Variants in FMNL2 observed in about 807,000 individuals in gnomAD.
The protein encoded by FMNL2 is formin like 2.
Under a neutral mutation model 130.2 loss-of-function variants are expected in FMNL2, and 51 were observed. That is an observed-to-expected ratio of 0.39 (90% confidence interval 0.31 to 0.49). The LOEUF is 0.49. FMNL2 is among the 20% of genes least tolerant of loss of function. The pLI, the probability that FMNL2 is intolerant of heterozygous loss-of-function variation, is 0.85. For missense variants in FMNL2, 977 were observed against 1,316.2 expected, an observed-to-expected ratio of 0.74 and a Z score of 3.99; for synonymous variants, 465 against 467.1, an observed-to-expected ratio of 1.00 and a Z score of 0.06.
chr2:152,606,930 G>A (rs1027272200), intron 9 of FMNL2, among the ~76,000 whole-genome samples: 1 of 149,086 alleles, frequency 6.7e-6, no homozygotes, highest in Non-Finnish European at 1.5e-5. Flanking sequence ...GCCTTTTAAA[G>A]AATTTAAATA....
At chr2:152,620,783 G>A (rs1038444029) in intron 15 of FMNL2, among the ~76,000 whole-genome samples, 2 of 152,122 alleles carry the variant, frequency 1.3e-5, no homozygotes, top group African/African-American at 4.8e-5. Context: ...AGCCCTTTTG[G>A]ATGCCCCAGA....
At chr2:152,527,148 G>T (rs991380501) in intron 2 of FMNL2, among the ~76,000 whole-genome samples, 2 of 152,134 alleles carry the variant, frequency 1.3e-5, no homozygotes, top group Admixed American at 6.5e-5. Context: ...TTTCCTAGGG[G>T]TGCCTTAGCT....
chr2:152,345,008 A>C (rs1682033880), intron 1 of FMNL2, among the ~76,000 whole-genome samples: 1 of 152,194 alleles, frequency 6.6e-6, no homozygotes, highest in African/African-American at 2.4e-5. Flanking sequence ...AATGTAAGCA[A>C]ATAGACATTC....
chr2:152,601,727 T>C (rs1698087467), intron 9 of FMNL2, among the ~76,000 whole-genome samples: 1 of 146,570 alleles, frequency 6.8e-6, no homozygotes, highest in East Asian at 2.0e-4. Flanking sequence ...TAGAGTGCAA[T>C]GGTGTGACCT....
At chr2:152,607,480 C>T in intron 10 of FMNL2, 67 bp downstream of exon 10, 2 of 829,324 alleles carry the variant, frequency 2.4e-6, no homozygotes, top group East Asian at 2.7e-5. Context: ...TACACACACA[C>T]ACACACACAC....
At chr2:152,570,724 T>G (rs1696125684) in intron 6 of FMNL2, among the ~76,000 whole-genome samples, 1 of 152,192 alleles carries the variant, frequency 6.6e-6, no homozygotes, top group South Asian at 2.1e-4. Context: ...GACCTGATTG[T>G]TCCATCACCT....
intron 1 of FMNL2, among the ~76,000 whole-genome samples, chr2:152,360,409 G>T (rs977467657): frequency 6.6e-6 from 1 of 151,902 alleles, no homozygotes; most frequent in Non-Finnish European, 1.5e-5. Flanking sequence ...ATAGCTCACT[G>T]CAGCCTCTAC....
intron 2 of FMNL2, among the ~76,000 whole-genome samples, chr2:152,527,203 G>C (rs1693436409): frequency 6.6e-6 from 1 of 152,156 alleles, no homozygotes; most frequent in Non-Finnish European, 1.5e-5. Context: ...AGTCATTACA[G>C]ATTGATGTTG....
At chr2:152,618,253 G>A (rs781115195) in intron 13 of FMNL2, among the ~76,000 whole-genome samples, 6 of 152,192 alleles carry the variant, frequency 3.9e-5, no homozygotes, top group Non-Finnish European at 5.9e-5. Context: ...GCTTTGGCCT[G>A]TTTTGTTAAC....
At chr2:152,341,273 T>C (rs1681787836) in intron 1 of FMNL2, among the ~76,000 whole-genome samples, 1 of 152,210 alleles carries the variant, frequency 6.6e-6, no homozygotes. Flanking sequence ...AAAGTGGGAA[T>C]ATATGGTTAG....
At chr2:152,562,002 G>T (rs748254725) in intron 6 of FMNL2, among the ~76,000 whole-genome samples, 1 of 152,160 alleles carries the variant, frequency 6.6e-6, no homozygotes, top group Non-Finnish European at 1.5e-5. Flanking sequence ...TATTGCTGAG[G>T]TTGTTCATTC....
intron 1 of FMNL2, among the ~76,000 whole-genome samples, chr2:152,488,838 G>T (rs1257783598): frequency 6.6e-6 from 1 of 152,180 alleles, no homozygotes; most frequent in Non-Finnish European, 1.5e-5. Flanking sequence ...TGCACTTTGG[G>T]AGGCTGAGGC....
intron 3 of FMNL2, 68 bp from the exon 4 acceptor site, chr2:152,548,953 T>A (rs1694796240): frequency 3.9e-5 from 47 of 1,211,112 alleles, no homozygotes; most frequent in Non-Finnish European, 5.0e-5. Context: ...GTTAAATTTA[T>A]TATAACTAAG....
At position 152,593,902 on chromosome 2, in the gene FMNL2, T is replaced by TGAGA. The variant is rs143746034; in HGVS notation, c.876+12875_876+12878dup. On this transcript the variant is annotated intron_variant, in intron 9 of 25. Coordinates refer to ENST00000288670, the MANE Select transcript of FMNL2 (RefSeq NM_052905.4). ...GTGTGTGTGTGTGTGTGTGTGTGTG[T>TGAGA]GAGAGAGAGAGAGAGAGAGAGAGAG... Among the ~76,000 whole-genome samples the TGAGA allele has an allele frequency of 1.8e-3, 146 of 81,616 alleles. 1 individual carries two copies. The highest frequency in any genetic ancestry group is 1.9e-3 in the South Asian group (4 of 2,148). 53.5% of individuals were successfully genotyped at this position (81,616 alleles called of 152,430 possible).
chr2:152,473,367 C>T (rs1306494382), intron 1 of FMNL2, among the ~76,000 whole-genome samples: 1 of 152,064 alleles, frequency 6.6e-6, no homozygotes, highest in African/African-American at 2.4e-5. Context: ...CTGTACCTGG[C>T]TTTTATATGT....
At chr2:152,484,559 G>C (rs1209470925) in intron 1 of FMNL2, among the ~76,000 whole-genome samples, 1 of 151,600 alleles carries the variant, frequency 6.6e-6, no homozygotes, top group Non-Finnish European at 1.5e-5. Context: ...ATTCAGTTGA[G>C]CCCAGGAGTT....
intron 25 of FMNL2, among the ~76,000 whole-genome samples, chr2:152,642,472 GCACA>G (rs980025967): frequency 1.3e-5 from 2 of 152,166 alleles, no homozygotes; most frequent in East Asian, 1.9e-4. Context: ...TCTACACATG[GCACA>G]CACACTCTGC....
intron 6 of FMNL2, 128 bp downstream of exon 6, chr2:152,561,163 T>TTGC: frequency 1.1e-6 from 1 of 951,274 alleles, no homozygotes; most frequent in Non-Finnish European, 1.5e-6. Context: ...GCAATGACTC[T>TTGC]AAATGAATGT....
intron 9 of FMNL2, among the ~76,000 whole-genome samples, chr2:152,603,759 A>C (rs969636968): frequency 6.6e-6 from 1 of 151,004 alleles, no homozygotes; most frequent in Admixed American, 6.6e-5. Flanking sequence ...CATTGCACTT[A>C]TGCAGGGGCA....
Sources: allele counts gnomAD v4.1 joint callset (sites outside exome capture counted in the v4.1 genomes callset), GRCh38; gene constraint gnomAD v4.1.1; transcripts MANE v1.5; gene names NCBI Gene and HGNC (gene_info 2026-07-23, HGNC 2026-07-21).